Variants in IQUB observed in about 807,000 individuals in gnomAD.
IQUB encodes the protein IQ motif and ubiquitin-like domain-containing protein.
Under a neutral mutation model 86.4 loss-of-function variants are expected in IQUB, and 86 were observed. The observed-to-expected ratio is 1.00, with a 90% CI of 0.84 to 1.19. The LOEUF (loss-of-function observed/expected upper bound fraction) is 1.19, where lower values mean the gene tolerates loss of function less well. IQUB is among the 50% of genes most tolerant of loss of function. The probability of loss-of-function intolerance (pLI) is 0.00; values close to 1 mark genes in which losing one functional copy is unlikely to be tolerated. For missense variants in IQUB, 946 were observed against 916.9 expected (o/e 1.03, Z -0.41); for synonymous variants, 289 against 304.5 (o/e 0.95, Z 0.53).
rs147009625 is a variant in IQUB at position 123,486,228 on chromosome 7, G to A, written c.1235-6258C>T. On this transcript the variant is annotated intron_variant, in intron 7 of 12. Transcript: ENST00000324698. ...GGAAAAATTCAGATATAGACTAGCC[G>A]TGAACATACAGAAATATGTACCCAA... is the stretch of plus-strand genomic sequence containing the variant. Among the ~76,000 whole-genome samples the A allele has an allele frequency of 6.9e-3, 1,054 of 152,280 alleles. 8 individuals carry two copies. The highest frequency in any genetic ancestry group is 0.019 in the South Asian group (90 of 4,824).
chr7:123,510,474 G>C (rs1430288456), intron 2 of IQUB, among the ~76,000 whole-genome samples: 1 of 151,998 alleles, frequency 6.6e-6, no homozygotes, highest in Admixed American at 6.6e-5. Flanking sequence ...AGAGAATCAA[G>C]ATACTTACAC....
At chr7:123,527,895 C>T (rs1228293836) in intron 1 of IQUB, among the ~76,000 whole-genome samples, 4 of 152,232 alleles carry the variant, frequency 2.6e-5, no homozygotes, top group Admixed American at 6.5e-5. Context: ...TGAGCAATGG[C>T]GGGCGCCCCT....
intron 8 of IQUB, among the ~76,000 whole-genome samples, chr7:123,477,075 T>G (rs1379582057): frequency 5.9e-5 from 9 of 152,088 alleles, no homozygotes; most frequent in Non-Finnish European, 1.3e-4. Flanking sequence ...TTCACAGAAT[T>G]GGAAAAAAAC....
chr7:123,509,330 C>T (rs1291736587), intron 3 of IQUB, among the ~76,000 whole-genome samples: 1 of 152,140 alleles, frequency 6.6e-6, no homozygotes, highest in East Asian at 1.9e-4. Context: ...TGGAAATGTG[C>T]ATTGACCTTA....
At chr7:123,524,960 AT>A (rs1797120030) in intron 1 of IQUB, among the ~76,000 whole-genome samples, 1 of 151,378 alleles carries the variant, frequency 6.6e-6, no homozygotes, top group African/African-American at 2.4e-5. Flanking sequence ...TGAGATAATC[AT>A]GTGGTTTTTG....
chr7:123,488,748 A>G (rs191455594), intron 7 of IQUB, among the ~76,000 whole-genome samples: 4 of 152,342 alleles, frequency 2.6e-5, no homozygotes, highest in Admixed American at 2.6e-4. Context: ...TTCCAAACAA[A>G]TAAGAAAAAT....
At chr7:123,478,331 C>T (rs1169553720) in intron 8 of IQUB, among the ~76,000 whole-genome samples, 7 of 151,966 alleles carry the variant, frequency 4.6e-5, no homozygotes, top group Non-Finnish European at 1.0e-4. Context: ...GACAAAAAAC[C>T]AAACACCACA....
intron 6 of IQUB, among the ~76,000 whole-genome samples, chr7:123,499,318 G>A (rs866734807): frequency 1.3e-4 from 20 of 151,980 alleles, no homozygotes; most frequent in East Asian, 7.8e-4. Flanking sequence ...CCAAGTTGCC[G>A]AGCTTGGTCT....
In IQUB at chr7:123,502,653, C is replaced by T. The variant is rs920222135; in HGVS notation, c.967G>A (p.Val323Ile). ...VYVSNMTDKL[V>I]TPGKYFSAAE... is the part of the protein sequence containing the mutation. Reference sequence around the variant, plus strand: ...GCTGAAAAATACTTTCCTGGTGTTACCAGTTTATCAGTCATATTTGATACA... The same window carrying T: ...GCTGAAAAATACTTTCCTGGTGTTATCAGTTTATCAGTCATATTTGATACA... Residue 323 changes from valine (V) to isoleucine (I), a missense_variant, in exon 6 of 13, where the codon GTA becomes ATA. By Grantham distance (29) the Val-to-Ile change is conservative (BLOSUM62 3). Transcript: ENST00000324698. 6.2e-7 allele frequency: 1 copy of T among 1,612,696 alleles called. No individual in the cohort carries two copies. Among genetic ancestry groups the T allele is most frequent in the Non-Finnish European group, 8.5e-7 (1 of 1,179,344 alleles).
intron 8 of IQUB, among the ~76,000 whole-genome samples, chr7:123,479,150 T>A (rs1794884505): frequency 6.6e-6 from 1 of 152,138 alleles, no homozygotes; most frequent in Non-Finnish European, 1.5e-5. Flanking sequence ...ACCCCTTTTC[T>A]TCGTAGCTGA....
chr7:123,517,273 T>G (rs550156914), intron 1 of IQUB, among the ~76,000 whole-genome samples: 12 of 151,894 alleles, frequency 7.9e-5, no homozygotes, highest in African/African-American at 2.9e-4. Context: ...GGCTCATGCC[T>G]GTAATCCCAG....
At chr7:123,515,370 A>C (rs1404913162) in intron 1 of IQUB, among the ~76,000 whole-genome samples, 2 of 152,214 alleles carry the variant, frequency 1.3e-5, no homozygotes, top group African/African-American at 4.8e-5. Flanking sequence ...ACTTTTCACA[A>C]AATGCATATC....
At chr7:123,453,669 G>A (rs1793557951) in intron 12 of IQUB, among the ~76,000 whole-genome samples, 1 of 151,934 alleles carries the variant, frequency 6.6e-6, no homozygotes, top group Admixed American at 6.6e-5. Context: ...AGAACAAGGT[G>A]GAGCCACCAT....
At chr7:123,520,547 C>T (rs1392654198) in intron 1 of IQUB, among the ~76,000 whole-genome samples, 1 of 152,058 alleles carries the variant, frequency 6.6e-6, no homozygotes, top group Non-Finnish European at 1.5e-5. Flanking sequence ...ATAAGCAAGG[C>T]ATGAGGACAA....
chr7:123,493,574 A>C (rs1795567368), intron 7 of IQUB, among the ~76,000 whole-genome samples: 1 of 152,164 alleles, frequency 6.6e-6, no homozygotes, highest in Non-Finnish European at 1.5e-5. Context: ...GTTGGAGTGG[A>C]TGACAGCAAT....
chr7:123,523,586 G>A (rs1334773268), intron 1 of IQUB, among the ~76,000 whole-genome samples: 1 of 151,706 alleles, frequency 6.6e-6, no homozygotes, highest in African/African-American at 2.4e-5. Context: ...TGAGTTCATT[G>A]TAGATTCTGG....
In IQUB at chr7:123,503,051, C is replaced by A. The variant is rs77768391; in HGVS notation, c.760G>T (p.Gly254Cys). ...VKSDFHKPFL[G>C]GFRHKVTGVE... ...CCTGTTACTTTATGTCTGAATCCAC[C>A]AAGAAATGGTTTGTGAAAGTCAGAT... Residue 254 changes from glycine (G) to cysteine (C), a missense_variant, in exon 5 of 13, where the codon GGT becomes TGT. By Grantham distance (159) the Gly-to-Cys change is radical. Transcript: ENST00000324698. The A allele has an allele frequency of 3.1e-6, 5 of 1,613,286 alleles. No individual in the cohort carries two copies. The highest frequency in any genetic ancestry group is 4.2e-6 in the Non-Finnish European group (5 of 1,179,590).
chr7:123,516,098 G>T (rs148263535), intron 1 of IQUB, among the ~76,000 whole-genome samples: 66 of 151,976 alleles, frequency 4.3e-4, no homozygotes, highest in African/African-American at 1.4e-3. Context: ...ATGACAAAAA[G>T]TAAAAGCAAT....
intron 9 of IQUB, 113 bp from the exon 10 acceptor site, chr7:123,465,122 C>A: frequency 1.5e-6 from 1 of 684,348 alleles, no homozygotes; most frequent in South Asian, 1.9e-5. Flanking sequence ...GAAACATTGT[C>A]AATAGGAGTA....
Sources: allele counts gnomAD v4.1 joint callset (sites outside exome capture counted in the v4.1 genomes callset), GRCh38; gene constraint gnomAD v4.1.1; transcripts MANE v1.5; gene names NCBI Gene and HGNC (gene_info 2026-07-23, HGNC 2026-07-21).